Variants in FOXN3 observed in about 807,000 individuals in gnomAD.
FOXN3 encodes forkhead box protein N3.
In FOXN3, 7 loss-of-function variants were observed where a neutral mutation model predicts 38.4. The observed-to-expected ratio is 0.18, with a 90% CI of 0.10 to 0.34. The LOEUF (loss-of-function observed/expected upper bound fraction) is 0.34. Among genes scored for constraint, FOXN3 ranks in the 10% least tolerant of loss-of-function variants. FOXN3 has a pLI of 1.00. For synonymous variants in FOXN3, 230 were observed against 242.2 expected (o/e 0.95, Z 0.47); for missense variants, 456 against 613.4 (o/e 0.74, Z 2.71).
chr14:89,569,541 A>T (rs1192879410), intron 1 of FOXN3, among the ~76,000 whole-genome samples: 1 of 152,178 alleles, frequency 6.6e-6, no homozygotes, highest in Non-Finnish European at 1.5e-5. Flanking sequence ...TTGGAGGTCT[A>T]CCTGGACACA....
rs1338473160 is a variant in FOXN3 at position 89,412,011 on chromosome 14, T to C, written c.466A>G (p.Thr156Ala). The change falls in exon 2 of 6, where the codon ACT (threonine) becomes GCT (alanine). Residue 156 changes from threonine (T) to alanine (A), a missense_variant. Around this residue, in one of 3 missense-constraint regions of FOXN3, gnomAD observed 386 missense variants for 505.2 expected, o/e 0.76. Transcript: ENST00000557258. This position sits in a 1 kb window ranked among gnomAD's most constrained non-coding sequence, Gnocchi z 4.7. ...TGTCTCACTGAGTTTTTCCACCCAG[T>C]AGGTGCATTTGCAAAATACGGAAAA... Reference protein sequence around the residue: ...EHFPYFANAPTGWKNSVRHNL... With the variant: ...EHFPYFANAPAGWKNSVRHNL... The C allele has an allele frequency of 6.2e-7, 1 of 1,610,180 alleles. No individual in the cohort carries two copies. Among genetic ancestry groups the C allele is most frequent in the Non-Finnish European group, 8.5e-7 (1 of 1,178,150 alleles).
chr14:89,460,303 G>A (rs932714428), intron 1 of FOXN3, among the ~76,000 whole-genome samples: 1 of 152,074 alleles, frequency 6.6e-6, no homozygotes, highest in Non-Finnish European at 1.5e-5. Flanking sequence ...CTTTTCTGGC[G>A]CATGGGTGCT....
intron 3 of FOXN3, among the ~76,000 whole-genome samples, chr14:89,313,244 T>TA (rs1423161563): frequency 3.3e-5 from 5 of 151,850 alleles, no homozygotes; most frequent in African/African-American, 9.7e-5. Context: ...GCACACATAG[T>TA]AAAAAAAGAG....
At chr14:89,582,568 C>T (rs1895765326) in intron 1 of FOXN3, among the ~76,000 whole-genome samples, 1 of 146,980 alleles carries the variant, frequency 6.8e-6, no homozygotes, top group African/African-American at 2.5e-5. Context: ...CAGGTCACTG[C>T]AAGCTCCACC....
intron 4 of FOXN3, among the ~76,000 whole-genome samples, chr14:89,277,771 T>G (rs1457247073): frequency 6.6e-6 from 1 of 152,236 alleles, no homozygotes; most frequent in Non-Finnish European, 1.5e-5. Flanking sequence ...GATTTCAACT[T>G]TGCTTCAGGT....
At position 89,415,883 on chromosome 14, in the gene FOXN3, CCCT is replaced by C. The variant is rs879456169; in HGVS notation, c.-15+985_-15+987del. ...ACACACACACACACACACACACACACCCTCTTTTGTTTTTTTTATGACTTGCTG... is the reference window on the plus strand; with the variant it reads ...ACACACACACACACACACACACACACCTTTTGTTTTTTTTATGACTTGCTG... On this transcript the variant is annotated intron_variant, in intron 1 of 5. Transcript: ENST00000557258. Among the ~76,000 whole-genome samples the C allele has an allele frequency of 2.9e-3, 426 of 148,280 alleles. 1 individual carries two copies. The highest frequency in any genetic ancestry group is 4.5e-3 in the Non-Finnish European group (304 of 66,832).
chr14:89,224,112 C>G (rs912608511), intron 4 of FOXN3, among the ~76,000 whole-genome samples: 4 of 151,754 alleles, frequency 2.6e-5, no homozygotes, highest in African/African-American at 7.3e-5. Flanking sequence ...ATATACTATA[C>G]AAGAAAACTT....
chr14:89,490,759 G>C (rs1223261059), intron 1 of FOXN3, among the ~76,000 whole-genome samples: 1 of 152,194 alleles, frequency 6.6e-6, no homozygotes, highest in East Asian at 1.9e-4. Flanking sequence ...ACAGCCTTCG[G>C]AATCTCAGCA....
chr14:89,425,413 G>A (rs1892005798), intron 1 of FOXN3, among the ~76,000 whole-genome samples: 1 of 151,706 alleles, frequency 6.6e-6, no homozygotes, highest in African/African-American at 2.4e-5. Flanking sequence ...TGTTGCCCAG[G>A]CTGGAGTGCA....
At chr14:89,570,755 C>A (rs1320882490) in intron 1 of FOXN3, among the ~76,000 whole-genome samples, 1 of 151,398 alleles carries the variant, frequency 6.6e-6, no homozygotes, top group African/African-American at 2.4e-5. Context: ...CAAGACAATT[C>A]TTCTTCAAAT....
intron 1 of FOXN3, among the ~76,000 whole-genome samples, chr14:89,606,364 A>G (rs1896276199): frequency 6.6e-6 from 1 of 152,212 alleles, no homozygotes; most frequent in African/African-American, 2.4e-5. Context: ...AGACTATGCC[A>G]GATAATAGAA....
chr14:89,465,923 T>C (rs1892968172), intron 1 of FOXN3, among the ~76,000 whole-genome samples: 1 of 152,252 alleles, frequency 6.6e-6, no homozygotes, highest in African/African-American at 2.4e-5. Context: ...ACAGTGTCCT[T>C]TAAGACAGGC....
rs1892247802 is a variant in FOXN3 at position 89,435,063 on chromosome 14, G to A, written c.-14-22573C>T. Among the ~76,000 whole-genome samples the A allele has an allele frequency of 2.0e-5, 3 of 152,064 alleles. No homozygotes were observed. The South Asian group carries it at 6.2e-4, about 31-fold the overall frequency. On this transcript the variant is annotated intron_variant, in intron 1 of 6. Transcript: ENST00000345097. ...GATTAACTTTCCCCCATATATCCTAGACAAGAGGGTAAAACTCTCTTACTA... is the reference window on the plus strand; with the variant it reads ...GATTAACTTTCCCCCATATATCCTAAACAAGAGGGTAAAACTCTCTTACTA...
chr14:89,314,930 A>C (rs2139964493), intron 3 of FOXN3, among the ~76,000 whole-genome samples: 1 of 152,234 alleles, frequency 6.6e-6, no homozygotes, highest in Non-Finnish European at 1.5e-5. Context: ...AGCCTAAAAG[A>C]ATGGAAATTT....
chr14:89,393,216 CA>C (rs1301376563), intron 2 of FOXN3, among the ~76,000 whole-genome samples: 1 of 152,086 alleles, frequency 6.6e-6, no homozygotes, highest in Non-Finnish European at 1.5e-5. Context: ...GCTGGGATTA[CA>C]GGCATGAGCC....
At chr14:89,597,392 C>T (rs989346428) in intron 1 of FOXN3, among the ~76,000 whole-genome samples, 1 of 152,146 alleles carries the variant, frequency 6.6e-6, no homozygotes, top group African/African-American at 2.4e-5. Flanking sequence ...AAATAGAGAA[C>T]ACTGGCAAAT....
At position 89,350,715 on chromosome 14, in the gene FOXN3, G is replaced by A. The variant is rs1484160267; in HGVS notation, c.637C>T (p.His213Tyr). 6.2e-7 allele frequency: 1 copy of A among 1,601,412 alleles called. No individual in the cohort carries two copies. Among genetic ancestry groups the A allele is most frequent in the Non-Finnish European group, 8.5e-7 (1 of 1,175,336 alleles). The change falls in exon 3 of 6, where the codon CAC becomes TAC. Residue 213 changes from histidine to tyrosine, a missense_variant. Physicochemically the swap from His to Tyr is moderately conservative, Grantham distance 83 (BLOSUM62 2). Coordinates refer to ENST00000557258, the MANE Select transcript of FOXN3 (RefSeq NM_005197.4). Reference protein sequence around the residue: ...LKKTPYHPHPHVFNTPPTCPQ... With the variant: ...LKKTPYHPHPYVFNTPPTCPQ... ...CAGGTGGGAGGTGTATTGAACACGT[G>A]TGGGTGTGGGTGATAAGGTGTCTTT...
chr14:89,232,999 C>T (rs1884864197), intron 4 of FOXN3, among the ~76,000 whole-genome samples: 1 of 152,208 alleles, frequency 6.6e-6, no homozygotes, highest in Non-Finnish European at 1.5e-5. Flanking sequence ...CCCCTCCTTC[C>T]TTTCAGCCTG....
At chr14:89,257,214 A>G (rs1270535688) in intron 4 of FOXN3, among the ~76,000 whole-genome samples, 2 of 152,110 alleles carry the variant, frequency 1.3e-5, no homozygotes, top group African/African-American at 4.8e-5. Context: ...GAGTCCCACC[A>G]CCTTCCATGA....
Sources: gnomAD v4.1 joint callset for allele counts (sites outside exome capture counted in the v4.1 genomes callset) on GRCh38, gnomAD v4.1.1 for gene constraint, gnomAD v4.1.1 regional missense constraint, Gnocchi (gnomAD v3.1) non-coding constraint, MANE v1.5 for transcripts, NCBI Gene and HGNC (gene_info 2026-07-23, HGNC 2026-07-21) for gene names.